The following APP variants were observed in gnomAD, a reference collection of about 807,000 sequenced individuals.
The protein encoded by APP is amyloid-beta precursor protein.
In APP, 31 loss-of-function variants were observed where a neutral mutation model predicts 101.4. The observed-to-expected ratio is 0.31, with a 90% CI of 0.23 to 0.41. The LOEUF is 0.41. Among genes scored for constraint, APP ranks in the 10% least tolerant of loss-of-function variants. The pLI is 1.00. For synonymous variants in APP, 366 were observed against 364.4 expected, an observed-to-expected ratio of 1.00 and a Z score of -0.05; for missense variants, 839 against 1,003.7, an observed-to-expected ratio of 0.84 and a Z score of 2.22.
chr21:26,157,083 T>G (rs530126196), intron 1 of APP, among the ~76,000 whole-genome samples: 1 of 152,142 alleles, frequency 6.6e-6, no homozygotes, highest in South Asian at 2.1e-4. Flanking sequence ...TTACTCTTTT[T>G]TTTTGAGACA....
intron 6 of APP, among the ~76,000 whole-genome samples, chr21:26,006,217 A>G (rs2043524265): frequency 6.6e-6 from 1 of 152,244 alleles, no homozygotes. Flanking sequence ...AAAGACTTAC[A>G]TGGCTATCTA....
chr21:26,071,886 G>A (rs143763648), intron 3 of APP, among the ~76,000 whole-genome samples: 265 of 152,254 alleles, frequency 1.7e-3, no homozygotes, highest in Non-Finnish European at 3.2e-3. Flanking sequence ...GGTCACCCAC[G>A]AGGAAGAAAA....
chr21:25,910,387 C>A (rs2039011046), intron 14 of APP, among the ~76,000 whole-genome samples: 1 of 152,190 alleles, frequency 6.6e-6, no homozygotes. Context: ...ACCTCAGCCT[C>A]CCTAAGTCCT....
chr21:25,948,004 C>CAAAAAAA (rs34371241), intron 13 of APP, among the ~76,000 whole-genome samples: 1 of 71,064 alleles, frequency 1.4e-5, no homozygotes, highest in African/African-American at 4.7e-5. Flanking sequence ...GACTCCATCT[C>CAAAAAAA]AAAAAAAAAA....
In APP at chr21:26,090,225, C is replaced by T. The variant is rs374913168; in HGVS notation, c.226-153G>A. Among the ~76,000 whole-genome samples the T allele has an allele frequency of 1.2e-4, 18 of 152,254 alleles. No individual in the cohort carries two copies. The East Asian group carries it at 1.7e-3, about 15-fold the overall frequency. On this transcript the variant is annotated intron_variant, in intron 2 of 17. Transcript: ENST00000346798. ...TGCTTTCAAGGTCTCTGACTTTTTCCGATTTTAGAACATCTGCATTATATA... is the reference window on the plus strand; with the variant it reads ...TGCTTTCAAGGTCTCTGACTTTTTCTGATTTTAGAACATCTGCATTATATA...
chr21:26,047,685 A>G (rs181356624), intron 5 of APP, among the ~76,000 whole-genome samples: 13 of 152,372 alleles, frequency 8.5e-5, no homozygotes, highest in African/African-American at 3.1e-4. Context: ...AGAAAACATT[A>G]CTAGGTTATA....
intron 13 of APP, among the ~76,000 whole-genome samples, chr21:25,954,365 T>C (rs1224871160): frequency 6.6e-6 from 1 of 152,242 alleles, no homozygotes; most frequent in East Asian, 1.9e-4. Context: ...ATTACAAAAC[T>C]ATACCCTAAG....
chr21:26,146,889 GTAAA>G (rs949298329), intron 1 of APP, among the ~76,000 whole-genome samples: 2 of 152,104 alleles, frequency 1.3e-5, no homozygotes, highest in African/African-American at 4.8e-5. Context: ...TTGGTACTGG[GTAAA>G]TAATTACCCA....
chr21:26,009,007 C>A (rs2043662733), intron 6 of APP, among the ~76,000 whole-genome samples: 1 of 152,150 alleles, frequency 6.6e-6, no homozygotes, highest in Admixed American at 6.5e-5. Context: ...CTCAGGCCCC[C>A]CATACAGACT....
intron 13 of APP, among the ~76,000 whole-genome samples, chr21:25,916,279 C>T (rs764340162): frequency 5.9e-5 from 9 of 152,164 alleles, no homozygotes; most frequent in Admixed American, 3.3e-4. Flanking sequence ...TGGGATGAGG[C>T]GGGAGCCACT....
intron 1 of APP, among the ~76,000 whole-genome samples, chr21:26,121,748 G>A (rs919928383): frequency 6.6e-6 from 1 of 152,214 alleles, no homozygotes; most frequent in Non-Finnish European, 1.5e-5. Context: ...ACTACAGTGA[G>A]TTTTCTAGAG....
At chr21:26,168,862 AAG>A (rs989227852) in intron 1 of APP, among the ~76,000 whole-genome samples, 35 of 152,228 alleles carry the variant, frequency 2.3e-4, no homozygotes, top group African/African-American at 8.4e-4. Context: ...TAAAAATCAG[AAG>A]AGAAAAAAGT....
At chr21:25,928,056 AC>A (rs1055020464) in intron 13 of APP, among the ~76,000 whole-genome samples, 2 of 152,102 alleles carry the variant, frequency 1.3e-5, no homozygotes, top group African/African-American at 4.8e-5. Context: ...CTAAAAAACA[AC>A]TTTATGGCCA....
intron 7 of APP, among the ~76,000 whole-genome samples, chr21:25,998,868 C>T (rs1426667148): frequency 6.6e-6 from 1 of 152,214 alleles, no homozygotes; most frequent in Non-Finnish European, 1.5e-5. Flanking sequence ...GGAAGTCTCA[C>T]ATCTGGTACT....
At chr21:26,006,139 T>C (rs1450272560) in intron 6 of APP, among the ~76,000 whole-genome samples, 3 of 152,160 alleles carry the variant, frequency 2.0e-5, no homozygotes, top group Non-Finnish European at 2.9e-5. Context: ...GAGATAATAA[T>C]GGAGAAAATT....
At chr21:26,101,165 T>G (rs2062049328) in intron 2 of APP, among the ~76,000 whole-genome samples, 5 of 144,714 alleles carry the variant, frequency 3.5e-5, no homozygotes, top group Admixed American at 2.9e-4. Context: ...AGTGGCGTGA[T>G]CTCGGCCCAC....
At chr21:26,169,239 T>C (rs897122809) in intron 1 of APP, 1 of 152,390 alleles carries the variant, frequency 6.6e-6, no homozygotes, top group Admixed American at 6.5e-5. Flanking sequence ...TGGATTTCAC[T>C]AGGCTGCAGC....
chr21:26,016,424 C>T (rs572492052), intron 6 of APP, among the ~76,000 whole-genome samples: 54 of 152,228 alleles, frequency 3.5e-4, no homozygotes, highest in African/African-American at 1.3e-3. Context: ...TATGCATTTA[C>T]AAGGGAACAC....
At chr21:25,965,656 AC>A (rs1332570892) in intron 11 of APP, among the ~76,000 whole-genome samples, 1 of 152,000 alleles carries the variant, frequency 6.6e-6, no homozygotes, top group Non-Finnish European at 1.5e-5. Flanking sequence ...AAATGAATGA[AC>A]CCCTTAAAGC....
Sources: gnomAD v4.1 joint callset for allele counts (sites outside exome capture counted in the v4.1 genomes callset) on GRCh38, gnomAD v4.1.1 for gene constraint, MANE v1.5 for transcripts, NCBI Gene and HGNC (gene_info 2026-07-23, HGNC 2026-07-21) for gene names.